LRRIQ3: variants seen among roughly 807,000 people sequenced by gnomAD.
LRRIQ3 encodes leucine-rich repeat and IQ domain-containing protein 3.
In LRRIQ3, 75 loss-of-function variants were observed where a neutral mutation model predicts 59.3. The ratio of observed to expected loss-of-function variants is 1.26; its 90% CI spans 1.05 to 1.53. The LOEUF (loss-of-function observed/expected upper bound fraction) is 1.53. Among genes scored for constraint, LRRIQ3 ranks in the 40% most tolerant of loss-of-function variants. LRRIQ3 has a pLI of 0.00. For synonymous variants in LRRIQ3, 250 were observed against 231.3 expected, an observed-to-expected ratio of 1.08 and a Z score of -0.73; for missense variants, 831 against 710.0, an observed-to-expected ratio of 1.17 and a Z score of -1.94.
chr1:74,055,627 T>A (rs1316010841), intron 6 of LRRIQ3, among the ~76,000 whole-genome samples: 1 of 152,180 alleles, frequency 6.6e-6, no homozygotes, highest in Admixed American at 6.6e-5. Flanking sequence ...ATATTTGATT[T>A]TTTTATTTGT....
intron 4 of LRRIQ3, among the ~76,000 whole-genome samples, chr1:74,113,452 G>C (rs1418388890): frequency 1.3e-5 from 2 of 152,014 alleles, no homozygotes; most frequent in East Asian, 3.8e-4. Flanking sequence ...AGAGGTCCAC[G>C]TCCAGACACA....
chr1:74,153,903 G>A (rs1648139026), intron 4 of LRRIQ3, among the ~76,000 whole-genome samples: 1 of 152,048 alleles, frequency 6.6e-6, no homozygotes, highest in African/African-American at 2.4e-5. Context: ...TTCCCATGGG[G>A]CCAAATAACA....
At chr1:74,186,782 C>A (rs779678035) in intron 1 of LRRIQ3, among the ~76,000 whole-genome samples, 1 of 151,678 alleles carries the variant, frequency 6.6e-6, no homozygotes, top group Non-Finnish European at 1.5e-5. Context: ...CAGTTTCAAT[C>A]AAAAAGATGT....
chr1:74,084,973 G>A (rs1436234893), intron 5 of LRRIQ3, among the ~76,000 whole-genome samples: 1 of 151,574 alleles, frequency 6.6e-6, no homozygotes, highest in Admixed American at 6.6e-5. Context: ...TAACAGGACT[G>A]TCAAGAAAAT....
At chr1:74,181,082 T>A in intron 3 of LRRIQ3, 1 of 363,598 alleles carries the variant, frequency 2.8e-6, no homozygotes, top group Admixed American at 4.4e-5. Context: ...TTTCATATAT[T>A]AGGTACTCAG....
intron 5 of LRRIQ3, among the ~76,000 whole-genome samples, chr1:74,103,482 G>T (rs1646562491): frequency 6.6e-6 from 1 of 151,870 alleles, no homozygotes; most frequent in African/African-American, 2.4e-5. Context: ...AGTTAAGCTA[G>T]AACAAATCCC....
At chr1:74,039,799 A>G (rs374414279) in intron 7 of LRRIQ3, among the ~76,000 whole-genome samples, 37 of 152,318 alleles carry the variant, frequency 2.4e-4, no homozygotes, top group African/African-American at 7.9e-4. Context: ...CTAAACATGG[A>G]AAGGAAAAAC....
At chr1:74,038,417 G>T (rs1251674969) in intron 7 of LRRIQ3, among the ~76,000 whole-genome samples, 3 of 152,170 alleles carry the variant, frequency 2.0e-5, no homozygotes, top group Non-Finnish European at 4.4e-5. Flanking sequence ...GCCCAGACAA[G>T]TGGGTTTCCC....
chr1:74,135,930 ATAG>A (rs904733804), intron 4 of LRRIQ3, among the ~76,000 whole-genome samples: 6 of 151,886 alleles, frequency 4.0e-5, no homozygotes, highest in Admixed American at 6.6e-5. Context: ...AACTAGAAAA[ATAG>A]TAGAGAAAAT....
At chr1:74,153,541 C>T (rs1648115045) in intron 4 of LRRIQ3, among the ~76,000 whole-genome samples, 1 of 152,156 alleles carries the variant, frequency 6.6e-6, no homozygotes, top group Admixed American at 6.5e-5. Context: ...CACTGTCTCT[C>T]CATTTGTTGA....
At chr1:74,154,240 CAAAAAAAAAAAAAAAAAAAAAAAAA>C (rs71078186) in intron 4 of LRRIQ3, among the ~76,000 whole-genome samples, 1 of 57,290 alleles carries the variant, frequency 1.7e-5, no homozygotes. Context: ...GACTCCTTCT[CAAAAAAAAAAAAAAAAAAAAAAAAA>C]AAAAAAAAAA....
intron 7 of LRRIQ3, among the ~76,000 whole-genome samples, chr1:74,030,565 A>C (rs1653672813): frequency 6.6e-6 from 1 of 152,232 alleles, no homozygotes; most frequent in Non-Finnish European, 1.5e-5. Flanking sequence ...CATATGTAGA[A>C]AGCTGAAACT....
At chr1:74,050,652 T>C in intron 6 of LRRIQ3, 1 of 872,968 alleles carries the variant, frequency 1.1e-6, no homozygotes, top group Non-Finnish European at 1.4e-6. Flanking sequence ...TCTGAAGCAG[T>C]TGCTTTCCTC....
chr1:74,026,997 T>C (rs1162294354), intron 7 of LRRIQ3, 28 bp from the exon 8 acceptor site: 1 of 1,421,128 alleles, frequency 7.0e-7, no homozygotes, highest in Non-Finnish European at 9.6e-7. Context: ...GGTAATAGAA[T>C]GAGATACTTT....
chr1:74,053,374 G>A (rs1570035147), intron 6 of LRRIQ3, among the ~76,000 whole-genome samples: 1 of 152,018 alleles, frequency 6.6e-6, no homozygotes, highest in Non-Finnish European at 1.5e-5. Flanking sequence ...AGAAATAACT[G>A]TTAATCTGGA....
chr1:74,195,829 T>C (rs1238658737), intron 1 of LRRIQ3, among the ~76,000 whole-genome samples: 1 of 152,176 alleles, frequency 6.6e-6, no homozygotes. Flanking sequence ...GGAAAAACTC[T>C]GTGGCGAATT....
chr1:74,102,870 C>T (rs1646554718), intron 5 of LRRIQ3, among the ~76,000 whole-genome samples: 1 of 151,970 alleles, frequency 6.6e-6, no homozygotes, highest in African/African-American at 2.4e-5. Flanking sequence ...GGCTTGAAAC[C>T]TTTCTTATCC....
chr1:74,087,800 AG>A (rs1456846230), intron 5 of LRRIQ3, among the ~76,000 whole-genome samples: 1 of 151,992 alleles, frequency 6.6e-6, no homozygotes, highest in Non-Finnish European at 1.5e-5. Context: ...GTATTTCTAT[AG>A]GTAAAAAAGT....
At chr1:74,028,069 C>T (rs540507660) in intron 7 of LRRIQ3, among the ~76,000 whole-genome samples, 5 of 152,028 alleles carry the variant, frequency 3.3e-5, no homozygotes, top group South Asian at 4.2e-4. Flanking sequence ...TTTTATATCA[C>T]GAACATGGTC....
Sources: gnomAD v4.1 joint callset for allele counts (sites outside exome capture counted in the v4.1 genomes callset) on GRCh38, gnomAD v4.1.1 for gene constraint, MANE v1.5 for transcripts, NCBI Gene and HGNC (gene_info 2026-07-23, HGNC 2026-07-21) for gene names.